The following PRSS3 variants were observed in gnomAD, a reference collection of about 807,000 sequenced individuals.
The protein encoded by PRSS3 is serine protease 3, also known as trypsin-3.
Under a neutral mutation model 20.8 loss-of-function variants are expected in PRSS3, and 14 were observed. The ratio of observed to expected loss-of-function variants is 0.67; its 90% CI spans 0.44 to 1.05. The LOEUF (loss-of-function observed/expected upper bound fraction) is 1.05, where lower values mean the gene tolerates loss of function less well. PRSS3 is among the 50% of genes least tolerant of loss of function. The probability of loss-of-function intolerance (pLI) is 0.00; values close to 1 mark genes in which losing one functional copy is unlikely to be tolerated. For missense variants in PRSS3, 237 were observed against 306.4 expected (o/e 0.77, Z 1.69); for synonymous variants, 91 against 117.6 (o/e 0.77, Z 1.46).
intron 2 of PRSS3, 73 bp from the exon 3 acceptor site, chr9:33,797,756 G>A (rs543023355): frequency 6.2e-7 from 1 of 1,613,648 alleles, no homozygotes; most frequent in Admixed American, 1.7e-5. Context: ...GTGAGCTTGA[G>A]GACCCTGGGG....
chr9:33,798,809 G>A (rs538638565), intron 4 of PRSS3, 187 bp downstream of exon 4: 81 of 1,122,522 alleles, frequency 7.2e-5, no homozygotes, highest in African/African-American at 2.5e-4. Flanking sequence ...GGAAGGTGGC[G>A]GGGCTGAGGA....
intron 1 of PRSS3, among the ~76,000 whole-genome samples, chr9:33,781,377 C>A (rs1824177599): frequency 6.6e-6 from 1 of 152,158 alleles, no homozygotes. Context: ...TTGTTTGCAG[C>A]AACATAAATA....
At chr9:33,778,008 T>C (rs1184578384) in intron 1 of PRSS3, among the ~76,000 whole-genome samples, 2 of 151,018 alleles carry the variant, frequency 1.3e-5, no homozygotes, top group Non-Finnish European at 2.9e-5. Flanking sequence ...TTCAAATATT[T>C]AAATAGAGTC....
chr9:33,781,734 T>G (rs887600672), intron 1 of PRSS3, among the ~76,000 whole-genome samples: 2 of 152,360 alleles, frequency 1.3e-5, no homozygotes, highest in African/African-American at 4.8e-5. Context: ...AATTGTTATC[T>G]CAACTGTTTT....
intron 1 of PRSS3, among the ~76,000 whole-genome samples, chr9:33,762,601 C>A (rs1823253031): frequency 1.3e-5 from 2 of 152,182 alleles, no homozygotes; most frequent in Admixed American, 1.3e-4. Context: ...TTCGTGCCGG[C>A]AAGGACAGAT....
At chr9:33,760,715 C>A (rs1372431048) in intron 1 of PRSS3, among the ~76,000 whole-genome samples, 2 of 139,572 alleles carry the variant, frequency 1.4e-5, no homozygotes, top group Non-Finnish European at 3.0e-5. Context: ...CACTGCACTC[C>A]AGTCTGGGGG....
intron 1 of PRSS3, chr9:33,761,972 A>C (rs1823230560): frequency 6.6e-6 from 1 of 152,212 alleles, no homozygotes; most frequent in South Asian, 2.1e-4. Context: ...GCGGCACCTG[A>C]CTGTATACAG....
upstream of PRSS3, among the ~76,000 whole-genome samples, chr9:33,791,173 C>T (rs879846703): frequency 2.6e-5 from 4 of 152,196 alleles, no homozygotes; most frequent in Non-Finnish European, 4.4e-5. Context: ...ATGTCATGTG[C>T]CAATCCCCTT....
intron 1 of PRSS3, chr9:33,786,524 C>T: frequency 1.3e-6 from 1 of 762,350 alleles, no homozygotes. Flanking sequence ...CTCTCTGGAA[C>T]TAGGCTCTGT....
At chr9:33,773,829 G>A (rs1158811516) in intron 1 of PRSS3, among the ~76,000 whole-genome samples, 2 of 119,398 alleles carry the variant, frequency 1.7e-5, no homozygotes, top group African/African-American at 4.0e-5. Context: ...AGTAGAGACA[G>A]GGGTCTCACT....
chr9:33,769,606 T>C (rs1449693611), intron 1 of PRSS3, among the ~76,000 whole-genome samples: 12 of 152,194 alleles, frequency 7.9e-5, no homozygotes, highest in Non-Finnish European at 1.6e-4. Flanking sequence ...TGATCATGAG[T>C]TATCCTTAAA....
intron 1 of PRSS3, among the ~76,000 whole-genome samples, chr9:33,777,531 CA>C (rs74180503): frequency 0.24 from 24,215 of 101,816 alleles, 2,919 homozygotes; most frequent in East Asian, 0.51. Flanking sequence ...CTAAAAATAC[CA>C]AAAAAAAAAA....
intron 1 of PRSS3, among the ~76,000 whole-genome samples, chr9:33,752,409 A>G (rs1822738560): frequency 6.6e-6 from 1 of 152,216 alleles, no homozygotes; most frequent in Non-Finnish European, 1.5e-5. Flanking sequence ...GGACAGTTTC[A>G]CCACACAGAG....
intron 1 of PRSS3, among the ~76,000 whole-genome samples, chr9:33,777,572 G>A (rs1823991365): frequency 6.6e-6 from 1 of 150,724 alleles, no homozygotes; most frequent in African/African-American, 2.4e-5. Flanking sequence ...GCGAGGTGGT[G>A]GGTACCTGTA....
At chr9:33,774,622 T>C (rs1823840698) in intron 1 of PRSS3, among the ~76,000 whole-genome samples, 1 of 152,134 alleles carries the variant, frequency 6.6e-6, no homozygotes. Context: ...TATAACGAGC[T>C]TGATATTGAA....
chr9:33,762,489 A>G (rs1362925613), intron 1 of PRSS3, among the ~76,000 whole-genome samples: 1 of 152,206 alleles, frequency 6.6e-6, no homozygotes, highest in Non-Finnish European at 1.5e-5. Flanking sequence ...GTTACTAAGC[A>G]GCTCATAGAA....
In PRSS3 at chr9:33,779,867, TAAAAAAAAAAAAAA is replaced by T. The variant is rs35501160; in HGVS notation, c.-52-14863_-52-14850del. On this transcript the variant is annotated intron_variant, in intron 1 of 5. Coordinates refer to the PRSS3 transcript ENST00000342836. ...CTGGGTGACAGAGCGAGACTCTGTC[TAAAAAAAAAAAAAA>T]AAAAAAAAAAAAAAACCTCTAACAA... 3.4e-3 allele frequency among the ~76,000 whole-genome samples: 107 copies of T among 31,856 alleles called. 1 individual carries two copies. The highest frequency in any genetic ancestry group is 8.3e-3 in the African/African-American group (51 of 6,144). The allele number at this position is 31,856 out of a possible 152,430, so 20.9% of individuals were successfully genotyped here. A position where few individuals can be genotyped will look rare whatever the true frequency, so the allele number is the denominator to read the frequency against.
At chr9:33,787,293 T>C (rs1172306769) in intron 1 of PRSS3, among the ~76,000 whole-genome samples, 1 of 152,188 alleles carries the variant, frequency 6.6e-6, no homozygotes, top group Non-Finnish European at 1.5e-5. Flanking sequence ...TTGTTCTCCG[T>C]GGATAGGAAT....
intron 1 of PRSS3, among the ~76,000 whole-genome samples, chr9:33,776,426 A>G (rs1368490394): frequency 6.6e-6 from 1 of 152,248 alleles, no homozygotes; most frequent in South Asian, 2.1e-4. Flanking sequence ...TAAAAAACAG[A>G]AAGAGAACCA....
Sources: allele counts gnomAD v4.1 joint callset (sites outside exome capture counted in the v4.1 genomes callset), GRCh38; gene constraint gnomAD v4.1.1; transcripts MANE v1.5; gene names NCBI Gene and HGNC (gene_info 2026-07-23, HGNC 2026-07-21).